The following SLX4IP variants were observed in gnomAD, a reference collection of about 807,000 sequenced individuals.
The protein encoded by SLX4IP is protein SLX4IP.
A neutral mutation model predicts 32.9 loss-of-function variants in SLX4IP; 34 were observed. The observed-to-expected ratio is 1.03, with a 90% confidence interval of 0.79 to 1.38. The LOEUF (loss-of-function observed/expected upper bound fraction) is 1.38. Among genes scored for constraint, SLX4IP ranks in the 40% most tolerant of loss-of-function variants. The pLI, the probability that SLX4IP is intolerant of heterozygous loss-of-function variation, is 0.00. For synonymous variants in SLX4IP, 172 were observed against 171.7 expected, an observed-to-expected ratio of 1.00 and a Z score of -0.01; for missense variants, 444 against 479.0, an observed-to-expected ratio of 0.93 and a Z score of 0.68.
intron 4 of SLX4IP, among the ~76,000 whole-genome samples, chr20:10,590,395 C>T (rs2066694416): frequency 1.3e-5 from 2 of 151,854 alleles, no homozygotes; most frequent in African/African-American, 4.8e-5. Context: ...GAGTCTTGCT[C>T]TGTCACCCAG....
chr20:10,553,353 A>C (rs1050576076), intron 2 of SLX4IP, among the ~76,000 whole-genome samples: 1 of 152,188 alleles, frequency 6.6e-6, no homozygotes, highest in African/African-American at 2.4e-5. Context: ...CTATGTCTCA[A>C]ATTTTTCTTT....
intron 7 of SLX4IP, 33 bp downstream of exon 7, chr20:10,621,447 T>G: frequency 6.3e-7 from 1 of 1,595,852 alleles, no homozygotes; most frequent in Non-Finnish European, 8.6e-7. Flanking sequence ...TTCTCATTTT[T>G]GCCTGTCTCT....
chr20:10,547,049 T>C (rs1022975082), intron 2 of SLX4IP, among the ~76,000 whole-genome samples: 1 of 152,220 alleles, frequency 6.6e-6, no homozygotes, highest in Non-Finnish European at 1.5e-5. Context: ...AATAACATGG[T>C]TGACCATTGC....
At chr20:10,611,326 C>T (rs1366780213) in intron 6 of SLX4IP, among the ~76,000 whole-genome samples, 3 of 152,220 alleles carry the variant, frequency 2.0e-5, no homozygotes. Flanking sequence ...GCAAGGCCAA[C>T]TCAAAGCAGC....
intron 2 of SLX4IP, among the ~76,000 whole-genome samples, chr20:10,520,352 T>C (rs1268504058): frequency 1.3e-5 from 2 of 152,184 alleles, no homozygotes; most frequent in Admixed American, 1.3e-4. Context: ...GCCCGGCCCT[T>C]GTGCCCATTT....
chr20:10,491,949 G>T (rs981732781), intron 2 of SLX4IP, among the ~76,000 whole-genome samples: 1 of 152,076 alleles, frequency 6.6e-6, no homozygotes, highest in African/African-American at 2.4e-5. Context: ...ACAACATTTG[G>T]TATTGATTTG....
rs573152919 is a variant in SLX4IP, at chr20:10,565,425, A to C, written c.238+4605A>C. On this transcript the variant is annotated intron_variant, in intron 4 of 7. Transcript: ENST00000334534. The stretch of plus-strand genomic sequence containing the variant: ...TTGAGACATGCTCCCTGTGATGCTT[A>C]GGACCACGTATCAGAAGCTTTGCCG... 2.0e-5 allele frequency among the ~76,000 whole-genome samples: 3 copies of C among 152,308 alleles called. No homozygotes were observed. In the South Asian group the frequency reaches 6.2e-4, roughly 32 times the overall value.
intron 2 of SLX4IP, among the ~76,000 whole-genome samples, chr20:10,506,700 A>G (rs920317041): frequency 6.6e-6 from 1 of 152,250 alleles, no homozygotes; most frequent in African/African-American, 2.4e-5. Context: ...ATTCTAGTAC[A>G]GGAAACAGAC....
rs1491112415 is a variant in SLX4IP, at chr20:10,518,549, C to CCTTCCTTCCTTCCTTCCTTT, written c.28-37679_28-37678insCCTTCCTTCCTTCCTTTCTT. 1.8e-3 allele frequency among the ~76,000 whole-genome samples: 95 copies of CCTTCCTTCCTTCCTTCCTTT among 52,884 alleles called. 16 individuals are homozygous for CCTTCCTTCCTTCCTTCCTTT. Among genetic ancestry groups the CCTTCCTTCCTTCCTTCCTTT allele is most frequent in the Non-Finnish European group, 3.3e-3 (82 of 24,754 alleles). The allele number at this position is 52,884 out of a possible 152,430, so 34.7% of individuals were successfully genotyped here. On this transcript the variant is annotated intron_variant, in intron 2 of 7. Coordinates refer to ENST00000334534, the MANE Select transcript of SLX4IP (RefSeq NM_001009608.3). Reference sequence around the variant, plus strand: ...TCCTTCCTTCCTTCCTTCCTTCCTTCCTTTCCTTCTTTCTTTCTTTTCTTT... The same window carrying CCTTCCTTCCTTCCTTCCTTT: ...TCCTTCCTTCCTTCCTTCCTTCCTTCCTTCCTTCCTTCCTTCCTTTCTTTCCTTCTTTCTTTCTTTTCTTT...
intron 4 of SLX4IP, among the ~76,000 whole-genome samples, chr20:10,594,417 C>G (rs1047995280): frequency 6.6e-6 from 1 of 152,140 alleles, no homozygotes. Context: ...GAGGCATTTT[C>G]CCAGGCTCGT....
chr20:10,456,440 C>G lies in SLX4IP; in HGVS notation c.-29-1736C>G, dbSNP rs149882869. ...CACTGCAACCTCTGCCTCTCAGGTT[C>G]AAGCGATTCTCCTGCCTCAGCCTCC... On this transcript the variant is annotated intron_variant, in intron 1 of 7. Coordinates refer to ENST00000334534, the MANE Select transcript of SLX4IP (RefSeq NM_001009608.3). 9.6e-3 allele frequency among the ~76,000 whole-genome samples: 1,463 copies of G among 152,252 alleles called. 23 individuals are homozygous for G. Among genetic ancestry groups the G allele is most frequent in the African/African-American group, 0.032 (1,325 of 41,530 alleles).
chr20:10,592,356 A>AT lies in SLX4IP; in HGVS notation c.239-6318dup, dbSNP rs796872103. On this transcript the variant is annotated intron_variant, in intron 4 of 7. Transcript: ENST00000334534. ...CAACCCCTTTCTCCAACCCCCCCCCATCACCAGCAATAGAGGAGGTCACAC... is the reference window on the plus strand; with the variant it reads ...CAACCCCTTTCTCCAACCCCCCCCCATTCACCAGCAATAGAGGAGGTCACAC... 2.7e-5 allele frequency among the ~76,000 whole-genome samples: 4 copies of AT among 145,972 alleles called. No individual in the cohort carries two copies. In the East Asian group the frequency reaches 6.1e-4, roughly 22 times the overall value.
At chr20:10,595,013 T>C (rs2122542484) in intron 4 of SLX4IP, among the ~76,000 whole-genome samples, 1 of 152,190 alleles carries the variant, frequency 6.6e-6, no homozygotes, top group East Asian at 1.9e-4. Context: ...AGGTTGTTTG[T>C]AGAAGGATAA....
intron 1 of SLX4IP, among the ~76,000 whole-genome samples, chr20:10,439,342 G>T (rs2065142364): frequency 6.6e-6 from 1 of 152,034 alleles, no homozygotes; most frequent in Admixed American, 6.6e-5. Flanking sequence ...CCGAGTAGCT[G>T]GGACTACAGG....
intron 6 of SLX4IP, among the ~76,000 whole-genome samples, chr20:10,616,986 T>G (rs2122566986): frequency 6.6e-6 from 1 of 152,342 alleles, no homozygotes; most frequent in South Asian, 2.1e-4. Context: ...CAATTCTGTG[T>G]GCCTTTAGGG....
At chr20:10,531,088 C>T (rs1444891690) in intron 2 of SLX4IP, among the ~76,000 whole-genome samples, 1 of 152,174 alleles carries the variant, frequency 6.6e-6, no homozygotes, top group Non-Finnish European at 1.5e-5. Flanking sequence ...ATGGATGGGC[C>T]TAGTAGACAG....
Position 10,566,030 on chromosome 20 carries a change from G to A in SLX4IP, c.238+5210G>A, listed in dbSNP as rs149944116. On this transcript the variant is annotated intron_variant, in intron 4 of 7. Coordinates refer to ENST00000334534, the MANE Select transcript of SLX4IP (RefSeq NM_001009608.3). ...GATGTATAAATAAATACATGATGCA[G>A]CAAAGGACAGTGAGGTAGGTAGATG... Among the ~76,000 whole-genome samples, 736 of 152,302 alleles carry A rather than the reference G, an allele frequency of 4.8e-3. 1 individual carries two copies. The highest frequency in any genetic ancestry group is 0.014 in the South Asian group (66 of 4,820).
chr20:10,623,336 A>G lies in SLX4IP; in HGVS notation c.1184A>G (p.Asn395Ser). The G allele has an allele frequency of 6.2e-7, 1 of 1,613,866 alleles. No individual in the cohort carries two copies. Among genetic ancestry groups the G allele is most frequent in the Non-Finnish European group, 8.5e-7 (1 of 1,179,930 alleles). ...ACTGAAAGATTATCTACAATTCAGAACAGCCCAACCAAGAAAAGAAAGAAA... is the reference window on the plus strand; with the variant it reads ...ACTGAAAGATTATCTACAATTCAGAGCAGCCCAACCAAGAAAAGAAAGAAA... Reference protein sequence around the residue: ...TNTERLSTIQNSPTKKRKKYE... With the variant: ...TNTERLSTIQSSPTKKRKKYE... Residue 395 changes from asparagine (N) to serine (S), a missense_variant, in exon 8 of 8, where the codon AAC (asparagine) becomes AGC (serine). Physicochemically the swap from Asn to Ser is conservative, Grantham distance 46. Coordinates refer to ENST00000334534, the MANE Select transcript of SLX4IP (RefSeq NM_001009608.3).
At chr20:10,613,750 G>T (rs936228694) in intron 6 of SLX4IP, 594 of 1,613,316 alleles carry the variant, frequency 3.7e-4, no homozygotes, top group Non-Finnish European at 4.8e-4. Flanking sequence ...CTTATCCTGG[G>T]TTCCTCTGTG....
Sources: allele counts gnomAD v4.1 joint callset (sites outside exome capture counted in the v4.1 genomes callset), GRCh38; gene constraint gnomAD v4.1.1; transcripts MANE v1.5; gene names NCBI Gene and HGNC (gene_info 2026-07-23, HGNC 2026-07-21).